PIK3CA: variants seen among roughly 807,000 people sequenced by gnomAD.
PIK3CA encodes phosphatidylinositol-4,5-bisphosphate 3-kinase catalytic subunit alpha.
In PIK3CA, 27 loss-of-function variants were observed where a neutral mutation model predicts 138.2. That is an observed-to-expected ratio of 0.20 (90% CI 0.14 to 0.27). The LOEUF (loss-of-function observed/expected upper bound fraction) is 0.27. Ranked by LOEUF, PIK3CA falls within the 10% of genes least tolerant of loss-of-function variation. PIK3CA has a pLI of 1.00. For missense variants in PIK3CA, 544 were observed against 1,277.4 expected (o/e 0.43, Z 8.75); for synonymous variants, 358 against 413.2 (o/e 0.87, Z 1.62).
At chr3:179,198,348 T>C (rs1724319732) in intron 1 of PIK3CA, among the ~76,000 whole-genome samples, 1 of 152,214 alleles carries the variant, frequency 6.6e-6, no homozygotes, top group South Asian at 2.1e-4. Context: ...TCTGAAAGAT[T>C]GTTTCTGGCC....
Position 179,198,909 on chromosome 3 carries a change from T to C in PIK3CA, c.84T>C (p.Asn28=). 1 of 1,609,244 alleles carries C rather than the reference T, an allele frequency of 6.2e-7. No homozygotes were observed. Among genetic ancestry groups the C allele is most frequent in the Non-Finnish European group, 8.5e-7 (1 of 1,177,540 alleles). ...PRILVECLLP[N]GMIVTLECLR... ...TCCTAGTAGAATGTTTACTACCAAA[T>C]GGAATGATAGTGACTTTAGAATGCC... Residue 28 remains asparagine, a synonymous_variant, in exon 2 of 21, where the codon AAT becomes AAC. Transcript: ENST00000263967.
At chr3:179,224,292 T>C (rs1415003558) in intron 15 of PIK3CA, 105 bp downstream of exon 15, 1 of 588,490 alleles carries the variant, frequency 1.7e-6, no homozygotes, top group Non-Finnish European at 3.0e-6. Context: ...TTCAATAATT[T>C]ATGCTTCTCT....
At chr3:179,221,303 GTGT>G (rs1259668302) in intron 14 of PIK3CA, 146 bp downstream of exon 14, 3 of 578,618 alleles carry the variant, frequency 5.2e-6, no homozygotes, top group Non-Finnish European at 9.4e-6. Context: ...CAGCTGTGTA[GTGT>G]TAGACACGTC....
intron 4 of PIK3CA, among the ~76,000 whole-genome samples, chr3:179,201,885 C>T (rs1205775927): frequency 2.0e-5 from 3 of 152,036 alleles, no homozygotes; most frequent in African/African-American, 4.8e-5. Flanking sequence ...GGATTACAGA[C>T]GTGAGCCACC....
At chr3:179,205,154 C>T (rs1216073306) in intron 6 of PIK3CA, among the ~76,000 whole-genome samples, 1 of 151,454 alleles carries the variant, frequency 6.6e-6, no homozygotes, top group Non-Finnish European at 1.5e-5. Context: ...TTCCAGGCTG[C>T]AGTCAGCTAT....
Position 179,230,161 on chromosome 3 carries a change from A to G in PIK3CA, c.2784+40A>G. 1 of 1,574,146 alleles carries G rather than the reference A, an allele frequency of 6.4e-7. No individual in the cohort carries two copies. The highest frequency in any genetic ancestry group is 8.7e-7 in the Non-Finnish European group (1 of 1,144,602). ...TGTTTAAAATGTTTTGGTGTTCTTA[A>G]TTTATTCAAGACATTTTGTATCTGC... On this transcript the variant is annotated intron_variant, in intron 19 of 20. Coordinates refer to ENST00000263967, the MANE Select transcript of PIK3CA (RefSeq NM_006218.4). This position sits in a 1 kb window ranked among gnomAD's most constrained non-coding sequence, Gnocchi z 5.4.
intron 6 of PIK3CA, among the ~76,000 whole-genome samples, chr3:179,209,193 A>G (rs924880749): frequency 3.3e-5 from 5 of 151,918 alleles, no homozygotes; most frequent in Non-Finnish European, 7.4e-5. Context: ...TATTCCTACA[A>G]TTGGAGCTGG....
chr3:179,189,831 GTC>G (rs1724082209), intron 1 of PIK3CA, among the ~76,000 whole-genome samples: 1 of 152,188 alleles, frequency 6.6e-6, no homozygotes, highest in African/African-American at 2.4e-5. Context: ...AGGTCTTTCA[GTC>G]TCTCTAAAAG....
Position 179,221,194 on chromosome 3 carries a change from C to G in PIK3CA, c.2187+37C>G, listed in dbSNP as rs185934527. 39 of 1,502,586 alleles carry G rather than the reference C, an allele frequency of 2.6e-5. No homozygotes were observed. In the East Asian group the frequency reaches 6.1e-4, roughly 24 times the overall value. 93.1% of individuals were successfully genotyped at this position (1,502,586 alleles called of 1,614,324 possible). On this transcript the variant is annotated intron_variant, in intron 14 of 20. Coordinates refer to ENST00000263967, the MANE Select transcript of PIK3CA (RefSeq NM_006218.4). ...TAGTTTGTGTTTGAGACTCTTTTCA[C>G]TGCAGTGGGGCAGAGTTGTTTAGAA...
At chr3:179,189,418 T>C (rs1724071710) in intron 1 of PIK3CA, among the ~76,000 whole-genome samples, 1 of 152,200 alleles carries the variant, frequency 6.6e-6, no homozygotes, top group South Asian at 2.1e-4. Context: ...ATGCTTTATC[T>C]AATAATCTAA....
chr3:179,233,993 T>C, intron 20 of PIK3CA, 101 bp from the exon 21 acceptor site: 1 of 745,112 alleles, frequency 1.3e-6, no homozygotes, highest in South Asian at 2.2e-5. Flanking sequence ...TTTATAGCTT[T>C]GTCTACGAAA....
chr3:179,176,270 C>G (rs1182642846), intron 1 of PIK3CA, among the ~76,000 whole-genome samples: 1 of 152,204 alleles, frequency 6.6e-6, no homozygotes, highest in Non-Finnish European at 1.5e-5. Flanking sequence ...AGTACACCAA[C>G]TGGAGTTGGA....
At chr3:179,188,112 C>G (rs1055588121) in intron 1 of PIK3CA, among the ~76,000 whole-genome samples, 1 of 152,240 alleles carries the variant, frequency 6.6e-6, no homozygotes, top group African/African-American at 2.4e-5. Flanking sequence ...AACGAAACTA[C>G]TGGTTGGACC....
chr3:179,204,439 T>C lies in PIK3CA; in HGVS notation c.1060-64T>C, dbSNP rs960885065. ...TTCCGTGGTTTTATATTTGAGTCTA[T>C]CGAGTGTGTGCATATGTGTATGTTG... On this transcript the variant is annotated intron_variant, in intron 5 of 20. Transcript: ENST00000263967. The C allele has an allele frequency of 4.1e-6, 3 of 726,228 alleles. No homozygotes were observed. In the African/African-American group the frequency reaches 5.3e-5, roughly 13 times the overall value. 45.0% of individuals were successfully genotyped at this position (726,228 alleles called of 1,614,324 possible).
intron 1 of PIK3CA, among the ~76,000 whole-genome samples, chr3:179,153,588 G>A (rs901458534): frequency 6.6e-6 from 1 of 152,226 alleles, no homozygotes; most frequent in South Asian, 2.1e-4. Context: ...TTAGACTTGG[G>A]TCCCTAGTAT....
intron 1 of PIK3CA, among the ~76,000 whole-genome samples, chr3:179,170,074 G>GCA (rs1553815553): frequency 1.9e-4 from 23 of 119,996 alleles, no homozygotes; most frequent in East Asian, 4.6e-4. Flanking sequence ...ACACGCGCGC[G>GCA]CGCACACACA....
At chr3:179,156,545 C>CT (rs1723143620) in intron 1 of PIK3CA, among the ~76,000 whole-genome samples, 2 of 152,094 alleles carry the variant, frequency 1.3e-5, no homozygotes, top group South Asian at 2.1e-4. Flanking sequence ...TGGTAAGCCT[C>CT]TTTTTTCTAG....
chr3:179,183,937 G>A (rs960174837), intron 1 of PIK3CA, among the ~76,000 whole-genome samples: 4 of 152,192 alleles, frequency 2.6e-5, no homozygotes, highest in Admixed American at 6.5e-5. Flanking sequence ...TGTAATGGAA[G>A]CCATTAGGGC....
Position 179,202,444 on chromosome 3 carries a change from A to G in PIK3CA, c.813+904A>G, listed in dbSNP as rs1724440193. Reference sequence around the variant, plus strand: ...AAATAGACATTTCAAAAAATCCATGACCTACTGTTAAGATATACTATTGAT... The same window carrying G: ...AAATAGACATTTCAAAAAATCCATGGCCTACTGTTAAGATATACTATTGAT... On this transcript the variant is annotated intron_variant, in intron 4 of 20. Transcript: ENST00000263967. Among the ~76,000 whole-genome samples the G allele has an allele frequency of 6.6e-5, 10 of 152,186 alleles. No homozygotes were observed. The South Asian group carries it at 2.1e-3, about 31-fold the overall frequency.
Sources: allele counts gnomAD v4.1 joint callset (sites outside exome capture counted in the v4.1 genomes callset), GRCh38; gene constraint gnomAD v4.1.1; non-coding constraint Gnocchi (gnomAD v3.1); transcripts MANE v1.5; gene names NCBI Gene and HGNC (gene_info 2026-07-23, HGNC 2026-07-21).